ACTR3C: variants seen among roughly 807,000 people sequenced by gnomAD.
ACTR3C encodes actin related protein 3C, also known as actin-related protein 3C.
Under a neutral mutation model 26.3 loss-of-function variants are expected in ACTR3C, and 18 were observed. That is an observed-to-expected ratio of 0.68 (90% CI 0.47 to 1.01). ACTR3C has a LOEUF of 1.01. Ranked by LOEUF, ACTR3C falls within the 50% of genes least tolerant of loss-of-function variation. ACTR3C has a pLI of 0.00. For synonymous variants in ACTR3C, 55 were observed against 94.5 expected (o/e 0.58, Z 2.42); for missense variants, 184 against 250.7 (o/e 0.73, Z 1.80).
chr7:149,939,197 C>T, the ACTR3C span, among the ~76,000 whole-genome samples: 1 of 152,034 alleles, frequency 6.6e-6, no homozygotes, highest in Non-Finnish European at 1.5e-5. Context: ...TCAGGCTGGT[C>T]TCGAACTCCC....
chr7:150,131,086 C>T, the ACTR3C span, among the ~76,000 whole-genome samples: 5,613 of 148,370 alleles, frequency 0.038, no homozygotes, highest in African/African-American at 0.14. Flanking sequence ...TCAAAGCTCA[C>T]TAAAATGCAC....
chr7:150,166,611 G>A, the ACTR3C span, among the ~76,000 whole-genome samples: 6 of 150,638 alleles, frequency 4.0e-5, no homozygotes, highest in South Asian at 8.3e-4. Context: ...AGGCAGGAGA[G>A]TGGCTTGAAC....
chr7:150,037,899 C>G, the ACTR3C span, among the ~76,000 whole-genome samples: 72 of 123,984 alleles, frequency 5.8e-4, 3 homozygotes, highest in East Asian at 2.8e-3. Flanking sequence ...AAGAGGGGCT[C>G]GCTCTCAGTC....
intron 1 of ACTR3C, among the ~76,000 whole-genome samples, chr7:150,298,694 G>A (rs930084080): frequency 6.8e-6 from 1 of 146,726 alleles, no homozygotes; most frequent in South Asian, 2.2e-4. Flanking sequence ...ACTACTAAAA[G>A]TCTCTCAGTT....
At chr7:150,186,259 T>C in the ACTR3C span, among the ~76,000 whole-genome samples, 2,420 of 152,310 alleles carry the variant, frequency 0.016, 74 homozygotes, top group African/African-American at 0.055. Flanking sequence ...CCCTGACAAA[T>C]GTTTCAAGAA....
chr7:150,008,080 A>C, the ACTR3C span, among the ~76,000 whole-genome samples: 75 of 152,324 alleles, frequency 4.9e-4, no homozygotes, highest in African/African-American at 1.8e-3. Flanking sequence ...CAATTCCTGG[A>C]GACTCGCATT....
chr7:150,319,584 G>T (rs1321935203), intron 1 of ACTR3C, among the ~76,000 whole-genome samples: 1 of 152,208 alleles, frequency 6.6e-6, no homozygotes, highest in Admixed American at 6.5e-5. Flanking sequence ...AGTTAGGGCA[G>T]GATGGCAAAT....
At chr7:150,192,092 G>T in the ACTR3C span, among the ~76,000 whole-genome samples, 94 of 150,914 alleles carry the variant, frequency 6.2e-4, 2 homozygotes, top group East Asian at 0.011. Flanking sequence ...GTTGTGATGT[G>T]TTACTCTTTT....
the ACTR3C span, among the ~76,000 whole-genome samples, chr7:150,165,710 C>T: frequency 6.6e-6 from 1 of 152,030 alleles, no homozygotes; most frequent in Non-Finnish European, 1.5e-5. Context: ...CTGAGGATTT[C>T]CCTCTTGTGC....
chr7:150,246,449 C>A (rs568910504), downstream of ACTR3C: 2 of 152,224 alleles, frequency 1.3e-5, no homozygotes, highest in African/African-American at 2.4e-5. Flanking sequence ...AGAGCTACCC[C>A]GTCTATTTTT....
At chr7:149,945,973 C>T in the ACTR3C span, among the ~76,000 whole-genome samples, 1 of 152,180 alleles carries the variant, frequency 6.6e-6, no homozygotes, top group African/African-American at 2.4e-5. Flanking sequence ...TTGCCAGCCT[C>T]TCTCCTGGCC....
the ACTR3C span, among the ~76,000 whole-genome samples, chr7:149,976,798 C>A: frequency 7.2e-5 from 11 of 152,118 alleles, no homozygotes; most frequent in Admixed American, 7.2e-4. Flanking sequence ...CAACCTTTTA[C>A]AGGAATGGTG....
At chr7:149,929,473 T>G in the ACTR3C span, among the ~76,000 whole-genome samples, 7 of 124,024 alleles carry the variant, frequency 5.6e-5, no homozygotes, top group Non-Finnish European at 1.2e-4. Flanking sequence ...ATACTTAAAC[T>G]AATGGGTGAA....
intron 6 of ACTR3C, among the ~76,000 whole-genome samples, chr7:150,255,777 G>A (rs1833176799): frequency 6.6e-6 from 1 of 152,208 alleles, no homozygotes. Context: ...GGGTGCATAT[G>A]TGTACATGAG....
chr7:150,005,514 C>A, the ACTR3C span, among the ~76,000 whole-genome samples: 1 of 151,894 alleles, frequency 6.6e-6, no homozygotes. Flanking sequence ...ATGTCCACAT[C>A]ACCTCCTTGC....
At chr7:150,037,162 C>T in the ACTR3C span, among the ~76,000 whole-genome samples, 9 of 40,080 alleles carry the variant, frequency 2.2e-4, no homozygotes, top group South Asian at 6.7e-4. Context: ...GCCTCCCCCC[C>T]TGTGATGGGG....
the ACTR3C span, among the ~76,000 whole-genome samples, chr7:149,960,633 T>C: frequency 6.6e-6 from 1 of 152,136 alleles, no homozygotes; most frequent in Non-Finnish European, 1.5e-5. Context: ...AATGACAGTC[T>C]TGGAGTCGAC....
At chr7:150,132,205 G>A in the ACTR3C span, among the ~76,000 whole-genome samples, 8 of 152,180 alleles carry the variant, frequency 5.3e-5, no homozygotes, top group African/African-American at 1.9e-4. Context: ...TCAGGAGCTA[G>A]GGGACAGGGT....
At chr7:150,002,639 A>T in the ACTR3C span, 1 of 152,232 alleles carries the variant, frequency 6.6e-6, no homozygotes, top group South Asian at 2.1e-4. Context: ...CGAATGGCCC[A>T]TTCCTCAAGG....
Sources: allele counts gnomAD v4.1 joint callset (sites outside exome capture counted in the v4.1 genomes callset), GRCh38; gene constraint gnomAD v4.1.1; transcripts MANE v1.5; gene names NCBI Gene and HGNC (gene_info 2026-07-23, HGNC 2026-07-21).